NFIC: variants seen among roughly 807,000 people sequenced by gnomAD.
The protein encoded by NFIC is nuclear factor I C, also known as nuclear factor 1 C-type.
NFIC carries 12 observed loss-of-function variants against 54.4 expected under a neutral mutation model. That is an observed-to-expected ratio of 0.22 (90% CI 0.14 to 0.36). NFIC has a LOEUF of 0.36. Ranked by LOEUF, NFIC falls within the 10% of genes least tolerant of loss-of-function variation. NFIC has a pLI of 1.00. For missense variants in NFIC, 575 were observed against 718.2 expected (o/e 0.80, Z 2.28); for synonymous variants, 322 against 319.2 (o/e 1.01, Z -0.09).
intron 3 of NFIC, among the ~76,000 whole-genome samples, chr19:3,430,014 G>A (rs1456890331): frequency 5.9e-5 from 9 of 152,100 alleles, no homozygotes; most frequent in Admixed American, 4.6e-4. Context: ...CCACCATCTC[G>A]GTCAGGCTTT....
intron 2 of NFIC, among the ~76,000 whole-genome samples, chr19:3,396,623 G>A (rs1213997610): frequency 6.6e-6 from 1 of 152,088 alleles, no homozygotes; most frequent in Non-Finnish European, 1.5e-5. Flanking sequence ...GGACACCACG[G>A]CCGCTCGTAG....
In NFIC at chr19:3,452,456, AC is replaced by A. The variant is rs754203818; in HGVS notation, c.1085-21del. The A allele has an allele frequency of 2.5e-4, 403 of 1,606,158 alleles. No individual in the cohort carries two copies. Among genetic ancestry groups the A allele is most frequent in the Non-Finnish European group, 3.2e-4 (377 of 1,178,870 alleles). ...GCAGACCGGCTGGAGCCCCCAAGTA[AC>A]CCCCGCTTCCCACTGTCTCCGCAGG... On this transcript the variant is annotated intron_variant, in intron 7 of 10. Coordinates refer to ENST00000443272, the MANE Select transcript of NFIC (RefSeq NM_001245002.2). The surrounding 1 kb of genome is among the most constrained non-coding windows in gnomAD (Gnocchi z 5.3).
chr19:3,409,786 G>A (rs963738077), intron 2 of NFIC, among the ~76,000 whole-genome samples: 2 of 152,264 alleles, frequency 1.3e-5, no homozygotes, highest in Non-Finnish European at 2.9e-5. Flanking sequence ...GTGCGTGGCT[G>A]TTGTGCATCA....
chr19:3,379,360 G>GTT (rs980186931), intron 1 of NFIC, among the ~76,000 whole-genome samples: 1 of 137,514 alleles, frequency 7.3e-6, no homozygotes, highest in African/African-American at 2.7e-5. Flanking sequence ...GCCCAGCCGG[G>GTT]TTTTTTTTTT....
intron 6 of NFIC, among the ~76,000 whole-genome samples, chr19:3,447,237 T>G (rs1263184747): frequency 1.4e-5 from 2 of 146,732 alleles, no homozygotes; most frequent in African/African-American, 2.6e-5. Flanking sequence ...AGGCGGAGGT[T>G]GCAGCGAGCC....
intron 6 of NFIC, among the ~76,000 whole-genome samples, chr19:3,445,017 G>A (rs1343130747): frequency 3.3e-5 from 5 of 149,960 alleles, no homozygotes; most frequent in African/African-American, 1.3e-4. Context: ...ATAGACACGT[G>A]CACAGGCATA....
At position 3,425,176 on chromosome 19, in the gene NFIC, G is replaced by A; in HGVS notation, c.633G>A (p.Leu211=). The A allele has an allele frequency of 6.2e-7, 1 of 1,610,340 alleles. No homozygotes were observed. The highest frequency in any genetic ancestry group is 8.5e-7 in the Non-Finnish European group (1 of 1,179,294). ...SDQEDSKPIT[L]DTTDFQESFV... is the part of the protein sequence containing the mutation. ...AGGAGGACAGCAAGCCCATCACGCT[G>A]GGTGAGTCTGGGGGCAGCGTGGCGG... The change falls in exon 3 of 11, where the codon CTG becomes CTA. Residue 211 remains leucine (L), a splice_region_variant and synonymous_variant. Coordinates refer to ENST00000443272, the MANE Select transcript of NFIC (RefSeq NM_001245002.2).
intron 2 of NFIC, among the ~76,000 whole-genome samples, chr19:3,418,741 A>G (rs1461406097): frequency 1.3e-5 from 2 of 152,142 alleles, no homozygotes; most frequent in Non-Finnish European, 2.9e-5. Context: ...AGTCCCAGCT[A>G]CTCAGGAGGC....
At chr19:3,366,547 T>TGGGGGGGGGGGGGGGGGGTGG, upstream of NFIC, 1 of 353,242 alleles carries the variant, frequency 2.8e-6, no homozygotes, top group Non-Finnish European at 3.9e-6. Flanking sequence ...GGGGGGGGGT[T>TGGGGGGGGGGGGGGGGGGTGG]GGGGGGGGCG....
At chr19:3,406,487 C>A (rs2081651416) in intron 2 of NFIC, among the ~76,000 whole-genome samples, 1 of 151,988 alleles carries the variant, frequency 6.6e-6, no homozygotes, top group South Asian at 2.1e-4. Flanking sequence ...CTTGGCTTCC[C>A]AAAGTGTTGG....
intron 2 of NFIC, among the ~76,000 whole-genome samples, chr19:3,399,394 T>C (rs1325450566): frequency 6.7e-6 from 1 of 148,990 alleles, no homozygotes; most frequent in Non-Finnish European, 1.5e-5. Context: ...CTGGGCAACA[T>C]AGTGAGATGC....
chr19:3,366,562 G>GGGGGTTGGGGGGGGCGGGGGT, upstream of NFIC: 1 of 780,070 alleles, frequency 1.3e-6, no homozygotes, highest in Non-Finnish European at 1.9e-6. Flanking sequence ...GGGGCGGGGG[G>GGGGGTTGGGGGGGGCGGGGGT]GTGGTTTGGA....
At chr19:3,443,599 G>A (rs1322280301) in intron 6 of NFIC, among the ~76,000 whole-genome samples, 2 of 151,974 alleles carry the variant, frequency 1.3e-5, no homozygotes, top group African/African-American at 4.8e-5. Flanking sequence ...ACCTCTGCAG[G>A]GCAGAGGATC....
Position 3,370,828 on chromosome 19 carries a change from G to A in NFIC, c.30+4162G>A, listed in dbSNP as rs1473678005. On this transcript the variant is annotated intron_variant, in intron 1 of 10. Transcript: ENST00000443272. The surrounding 1 kb of genome is among the most constrained non-coding windows in gnomAD (Gnocchi z 5.2). ...AAATGCTGCCTGGGCCTCCTGCCCC[G>A]GACACGGCCCGCCCCCCACTCTCCT... is the stretch of plus-strand genomic sequence containing the variant. Among the ~76,000 whole-genome samples, 1 of 152,072 alleles carries A rather than the reference G, an allele frequency of 6.6e-6. No homozygotes were observed. The highest frequency in any genetic ancestry group is 2.4e-5 in the African/African-American group (1 of 41,390).
chr19:3,413,034 C>T (rs371789535), intron 2 of NFIC, among the ~76,000 whole-genome samples: 1 of 152,168 alleles, frequency 6.6e-6, no homozygotes, highest in East Asian at 1.9e-4. Flanking sequence ...CTGCAATCTC[C>T]GCCTTCCAGA....
At chr19:3,449,475 T>C (rs2082423775) in intron 7 of NFIC, among the ~76,000 whole-genome samples, 1 of 151,402 alleles carries the variant, frequency 6.6e-6, no homozygotes, top group Non-Finnish European at 1.5e-5. Context: ...AAGCTGCCAA[T>C]GAGGCCAGGC....
Position 3,463,165 on chromosome 19 carries a change from C to T in NFIC, c.*396C>T, listed in dbSNP as rs980610127. 1.9e-6 allele frequency: 2 copies of T among 1,079,194 alleles called. No individual in the cohort carries two copies. The highest frequency in any genetic ancestry group is 1.1e-6 in the Non-Finnish European group (1 of 889,690). 66.9% of individuals were successfully genotyped at this position (1,079,194 alleles called of 1,614,324 possible). On this transcript the variant is annotated 3_prime_UTR_variant, in exon 11 of 11. Coordinates refer to ENST00000443272, the MANE Select transcript of NFIC (RefSeq NM_001245002.2). ...GGGAAGGACAGACGCCGGCCGCCCG[C>T]CCGCGCCCCGGAGGCCCTGGCTCTG...
Position 3,425,287 on chromosome 19 carries a change from G to A in NFIC, c.634+110G>A, listed in dbSNP as rs925493938. ...CACTCGTTTTACAGATGAGCAGACT[G>A]AGGCTCGGAGAGGTTAAGGGGCCTG... On this transcript the variant is annotated intron_variant, in intron 3 of 10. Coordinates refer to ENST00000443272, the MANE Select transcript of NFIC (RefSeq NM_001245002.2). 4.7e-6 allele frequency: 6 copies of A among 1,270,164 alleles called. No homozygotes were observed. In the Admixed American group the frequency reaches 1.1e-4, roughly 24 times the overall value. 78.7% of individuals were successfully genotyped at this position (1,270,164 alleles called of 1,614,324 possible). A position where few individuals can be genotyped will look rare whatever the true frequency, so the allele number is the denominator to read the frequency against.
rs565202373 is a variant in NFIC at position 3,422,735 on chromosome 19, A to T, written c.563-2371A>T. ...CTGTCTCAAAAAAAAAAGGAAAGTGACCTTCTCAGGAGCACAAAGACCCGG... is the reference window on the plus strand; with the variant it reads ...CTGTCTCAAAAAAAAAAGGAAAGTGTCCTTCTCAGGAGCACAAAGACCCGG... On this transcript the variant is annotated intron_variant, in intron 2 of 10. Coordinates refer to ENST00000443272, the MANE Select transcript of NFIC (RefSeq NM_001245002.2). 7.3e-5 allele frequency among the ~76,000 whole-genome samples: 11 copies of T among 151,712 alleles called. No individual in the cohort carries two copies. The East Asian group carries it at 1.6e-3, about 22-fold the overall frequency.
Sources: allele counts gnomAD v4.1 joint callset (sites outside exome capture counted in the v4.1 genomes callset), GRCh38; gene constraint gnomAD v4.1.1; non-coding constraint Gnocchi (gnomAD v3.1); transcripts MANE v1.5; gene names NCBI Gene and HGNC (gene_info 2026-07-23, HGNC 2026-07-21).